CHD5: variants seen among roughly 807,000 people sequenced by gnomAD.
CHD5 encodes ATP-dependent chromatin remodeler CHD5.
Under a neutral mutation model 230.3 loss-of-function variants are expected in CHD5, and 69 were observed. The observed-to-expected ratio is 0.30, with a 90% confidence interval of 0.25 to 0.37. The LOEUF (loss-of-function observed/expected upper bound fraction) is 0.37, where lower values mean the gene tolerates loss of function less well. Ranked by LOEUF, CHD5 falls within the 10% of genes least tolerant of loss-of-function variation. The pLI is 1.00. For missense variants in CHD5, 1,827 were observed against 2,622.8 expected (o/e 0.70, Z 6.63); for synonymous variants, 1,064 against 1,065.9 (o/e 1.00, Z 0.03).
chr1:6,115,590 T>G (rs1050141997), intron 33 of CHD5, among the ~76,000 whole-genome samples: 21 of 152,180 alleles, frequency 1.4e-4, no homozygotes, highest in African/African-American at 5.1e-4. Flanking sequence ...ATGGCAGGAA[T>G]GTGGTGGCTT....
intron 2 of CHD5, among the ~76,000 whole-genome samples, chr1:6,160,370 C>T (rs1385361272): frequency 9.7e-5 from 11 of 113,080 alleles, no homozygotes; most frequent in African/African-American, 3.3e-4. Context: ...GGGCCCCAGC[C>T]AGAGAAGAAG....
chr1:6,113,366 A>G (rs1344139959), intron 33 of CHD5: 4 of 434,958 alleles, frequency 9.2e-6, no homozygotes, highest in Non-Finnish European at 1.8e-5. Flanking sequence ...AAAGGCTCCC[A>G]TGAGCCGAGA....
At chr1:6,152,625 T>C in intron 5 of CHD5, 89 bp from the exon 6 acceptor site, 7 of 1,589,332 alleles carry the variant, frequency 4.4e-6, no homozygotes, top group South Asian at 1.1e-5. Flanking sequence ...GGTTACCCAA[T>C]AAGGAAAGGG....
intron 34 of CHD5, among the ~76,000 whole-genome samples, 199 bp from the exon 35 acceptor site, chr1:6,112,476 C>T (rs1666307648): frequency 6.6e-6 from 1 of 152,188 alleles, no homozygotes; most frequent in African/African-American, 2.4e-5. Context: ...GCTCCAGGTC[C>T]TAGTGCTCCT....
Position 6,125,058 on chromosome 1 carries a change from G to C in CHD5, c.4394+42C>G. On this transcript the variant is annotated intron_variant, in intron 29 of 41. Coordinates refer to ENST00000262450, the MANE Select transcript of CHD5 (RefSeq NM_015557.3). This position sits in a 1 kb window ranked among gnomAD's most constrained non-coding sequence, Gnocchi z 6.7. ...ACCCGCAGGACCCTGCCCTACTCAG[G>C]GGCAGGTGGTCACACCCTGGGCCAC... 1 of 1,511,606 alleles carries C rather than the reference G, an allele frequency of 6.6e-7. No individual in the cohort carries two copies. The highest frequency in any genetic ancestry group is 8.9e-7 in the Non-Finnish European group (1 of 1,124,406). 93.6% of individuals were successfully genotyped at this position (1,511,606 alleles called of 1,614,324 possible).
chr1:6,126,777 T>C lies in CHD5; in HGVS notation c.3904-31A>G, dbSNP rs1162433119. 1 of 1,601,688 alleles carries C rather than the reference T, an allele frequency of 6.2e-7. No homozygotes were observed. Among genetic ancestry groups the C allele is most frequent in the Non-Finnish European group, 8.5e-7 (1 of 1,171,690 alleles). ...GACGCAGCACCACGGGTTCCATGGG[T>C]GGAGCCATCTCTGCCCTCCCGGAAG... On this transcript the variant is annotated intron_variant, in intron 25 of 41. Transcript: ENST00000262450. This position sits in a 1 kb window ranked among gnomAD's most constrained non-coding sequence, Gnocchi z 5.7.
chr1:6,159,306 C>T, intron 3 of CHD5, 30 bp downstream of exon 3: 1 of 1,550,696 alleles, frequency 6.4e-7, no homozygotes, highest in Non-Finnish European at 8.7e-7. Flanking sequence ...GGATGTCGCT[C>T]TGTCCCCCCA....
chr1:6,151,277 T>A, intron 6 of CHD5, 122 bp from the exon 7 acceptor site: 1 of 1,201,104 alleles, frequency 8.3e-7, no homozygotes, highest in Non-Finnish European at 1.1e-6. Context: ...TCTCTGTGAT[T>A]CATCTCAGCC....
At position 6,102,243 on chromosome 1, in the gene CHD5, A is replaced by ACTT. The variant is rs1320372899; in HGVS notation, c.*3228_*3230dup. ...TCTGGGTTATCGCACCTAAAAAAAT[A>ACTT]CTTTGTTTAAAAAAAAAATCTGAAA... On this transcript the variant is annotated 3_prime_UTR_variant, in exon 42 of 42. Transcript: ENST00000262450. The ACTT allele has an allele frequency of 2.6e-5, 4 of 155,878 alleles. No homozygotes were observed. Among genetic ancestry groups the ACTT allele is most frequent in the African/African-American group, 9.7e-5 (4 of 41,424 alleles). The allele number at this position is 155,878 out of a possible 1,614,324, so 9.7% of individuals were successfully genotyped here.
chr1:6,111,992 G>A lies in CHD5; in HGVS notation c.5141-109C>T. Reference sequence around the variant, plus strand: ...CTTGCCACTGCCTCCACCCCCAGAGGTCCAGTGTTCCAGGGTGGCTAAGAA... The same window carrying A: ...CTTGCCACTGCCTCCACCCCCAGAGATCCAGTGTTCCAGGGTGGCTAAGAA... On this transcript the variant is annotated intron_variant, in intron 35 of 41. Coordinates refer to ENST00000262450, the MANE Select transcript of CHD5 (RefSeq NM_015557.3). 3 of 1,367,558 alleles carry A rather than the reference G, an allele frequency of 2.2e-6. No individual in the cohort carries two copies. In the South Asian group the frequency reaches 3.8e-5, roughly 17 times the overall value. 84.7% of individuals were successfully genotyped at this position (1,367,558 alleles called of 1,614,324 possible).
intron 1 of CHD5, 25 bp downstream of exon 1, chr1:6,179,920 C>T (rs1667488031): frequency 7.9e-7 from 1 of 1,263,144 alleles, no homozygotes; most frequent in Non-Finnish European, 1.0e-6. Context: ...CGCTCTGGCC[C>T]CAGGCGCACC....
chr1:6,180,010 A>T lies in CHD5; in HGVS notation c.14T>A (p.Val5Glu). 1 of 1,368,706 alleles carries T rather than the reference A, an allele frequency of 7.3e-7. No homozygotes were observed. The highest frequency in any genetic ancestry group is 9.5e-7 in the Non-Finnish European group (1 of 1,048,220). 84.8% of individuals were successfully genotyped at this position (1,368,706 alleles called of 1,614,324 possible). A position where few individuals can be genotyped will look rare whatever the true frequency, so the allele number is the denominator to read the frequency against. The part of the protein sequence containing the change: MRGP[V>E]GTEEELPRLF... The stretch of plus-strand genomic sequence containing the variant: ...CCGCGGCAGCTCCTCCTCGGTGCCC[A>T]CTGGGCCCCGCATGCCCGGCGCGGG... Residue 5 changes from valine to glutamate, a missense_variant, in exon 1 of 42, where the codon GTG becomes GAG. Val to Glu is a moderately radical substitution (Grantham distance 121, BLOSUM62 -2). Transcript: ENST00000262450.
At chr1:6,110,595 A>AGGTTGGGGGTGGCAGCTCT in intron 36 of CHD5, 69 bp from the exon 37 acceptor site, 1 of 569,726 alleles carries the variant, frequency 1.8e-6, no homozygotes, top group Admixed American at 2.9e-5. Context: ...GAGGCAGCTC[A>AGGTTGGGGGTGGCAGCTCT]GGGAGGGGGA....
chr1:6,135,281 A>G lies in CHD5; in HGVS notation c.2819T>C (p.Met940Thr), dbSNP rs1666720842. The G allele has an allele frequency of 6.2e-7, 1 of 1,613,974 alleles. No individual in the cohort carries two copies. The highest frequency in any genetic ancestry group is 1.3e-5 in the African/African-American group (1 of 74,916). The change falls in exon 18 of 42, where the codon ATG becomes ACG. Residue 940 changes from methionine to threonine, a missense_variant. By Grantham distance (81) the Met-to-Thr change is moderately conservative. This residue lies in a region of CHD5 where 52 missense variants were observed against 164.5 expected (regional missense o/e 0.32). Coordinates refer to ENST00000262450, the MANE Select transcript of CHD5 (RefSeq NM_015557.3). ...GACAATGAGCTCGGTCTTGGCCGGC[A>G]TGTTCTTGAACACGTCAGCCTTGAG... ...RRLKADVFKN[M>T]PAKTELIVRV...
In CHD5 at chr1:6,130,757, C is replaced by A. The variant is rs1666642119; in HGVS notation, c.3263-429G>T. Reference sequence around the variant, plus strand: ...AAAACTCAGGGGCGCAGCTCCGGGACCTGGGGTCCCACCCCACTGGGCAAC... The same window carrying A: ...AAAACTCAGGGGCGCAGCTCCGGGAACTGGGGTCCCACCCCACTGGGCAAC... On this transcript the variant is annotated intron_variant, in intron 21 of 41. Transcript: ENST00000262450. The surrounding 1 kb of genome is among the most constrained non-coding windows in gnomAD (Gnocchi z 4.9). Among the ~76,000 whole-genome samples, 1 of 152,342 alleles carries A rather than the reference C, an allele frequency of 6.6e-6. No individual in the cohort carries two copies. The highest frequency in any genetic ancestry group is 2.1e-4 in the South Asian group (1 of 4,832).
chr1:6,143,936 G>A lies in CHD5; in HGVS notation c.1935-5C>T, dbSNP rs1189173740. On this transcript the variant is annotated splice_region_variant and splice_polypyrimidine_tract_variant and intron_variant, in intron 12 of 41. Transcript: ENST00000262450. ...TCTTCTCCCAGCATCAGCTCCCTGG[G>A]AAACGGCATTGGAGGCAGGTGAGCA... 1.2e-6 allele frequency: 2 copies of A among 1,614,132 alleles called. No individual in the cohort carries two copies. Among genetic ancestry groups the A allele is most frequent in the Non-Finnish European group, 8.5e-7 (1 of 1,180,040 alleles).
At chr1:6,168,686 C>T (rs1304095601) in intron 1 of CHD5, among the ~76,000 whole-genome samples, 1 of 152,146 alleles carries the variant, frequency 6.6e-6, no homozygotes, top group East Asian at 1.9e-4. Flanking sequence ...ATCTCTCCCT[C>T]CAGAGAGAGG....
intron 7 of CHD5, 140 bp downstream of exon 7, chr1:6,150,892 C>T (rs1557555093): frequency 8.9e-7 from 1 of 1,120,282 alleles, no homozygotes; most frequent in Non-Finnish European, 1.2e-6. Context: ...ATGAGGATGC[C>T]CTCCCCCTGC....
intron 1 of CHD5, among the ~76,000 whole-genome samples, chr1:6,178,785 C>A (rs1667464058): frequency 6.6e-6 from 1 of 152,088 alleles, no homozygotes; most frequent in African/African-American, 2.4e-5. Context: ...GTGTGGCCAC[C>A]TGGTGGGAAT....
Sources: gnomAD v4.1 joint callset for allele counts (sites outside exome capture counted in the v4.1 genomes callset) on GRCh38, gnomAD v4.1.1 for gene constraint, gnomAD v4.1.1 regional missense constraint, Gnocchi (gnomAD v3.1) non-coding constraint, MANE v1.5 for transcripts, NCBI Gene and HGNC (gene_info 2026-07-23, HGNC 2026-07-21) for gene names.